The following GET1 variants were observed in gnomAD, a reference collection of about 807,000 sequenced individuals.
The protein encoded by GET1 is congenital heart disease 5 protein.
GET1 carries 20 observed loss-of-function variants against 22.6 expected under a neutral mutation model. The ratio of observed to expected loss-of-function variants is 0.89; its 90% CI spans 0.62 to 1.29. The LOEUF is 1.29. Among genes scored for constraint, GET1 ranks in the 50% most tolerant of loss-of-function variants. GET1 has a pLI of 0.00. For missense variants in GET1, 209 were observed against 219.9 expected (o/e 0.95, Z 0.31); for synonymous variants, 92 against 83.8 (o/e 1.10, Z -0.53).
chr21:39,417,178 G>A lies in GET1; in HGVS notation c.*23+6241G>A, dbSNP rs141854033. ...CTCCTGAGTAGCTGGGATTACAGGCGCGCACCACCACACCTGGCTAATTTT... is the reference window on the plus strand; with the variant it reads ...CTCCTGAGTAGCTGGGATTACAGGCACGCACCACCACACCTGGCTAATTTT... On this transcript the variant is annotated intron_variant, in intron 1 of 1. Transcript: ENST00000478273. Among the ~76,000 whole-genome samples, 788 of 152,076 alleles carry A rather than the reference G, an allele frequency of 5.2e-3. 7 individuals are homozygous for A. The highest frequency in any genetic ancestry group is 0.024 in the East Asian group (122 of 5,168).
chr21:39,380,361 C>T lies in GET1; in HGVS notation c.-24C>T. 2 of 1,582,122 alleles carry T rather than the reference C, an allele frequency of 1.3e-6. No individual in the cohort carries two copies. The highest frequency in any genetic ancestry group is 1.7e-6 in the Non-Finnish European group (2 of 1,162,464). Reference sequence around the variant, plus strand: ...TCCCCATGGAGCTGCCGTAGCGGACCCAGCACAGCCAGGAGCGTCCGGGAT... The same window carrying T: ...TCCCCATGGAGCTGCCGTAGCGGACTCAGCACAGCCAGGAGCGTCCGGGAT... On this transcript the variant is annotated 5_prime_UTR_variant, in exon 1 of 5. Transcript: ENST00000649170.
At chr21:39,381,340 T>C (rs975941114) in intron 1 of GET1, among the ~76,000 whole-genome samples, 2 of 152,162 alleles carry the variant, frequency 1.3e-5, no homozygotes, top group Admixed American at 6.5e-5. Flanking sequence ...TCCTCAAAGA[T>C]TGGGCGCATT....
intron 3 of GET1, 134 bp downstream of exon 3, chr21:39,391,970 G>A (rs2038329370): frequency 1.5e-5 from 11 of 749,326 alleles, no homozygotes; most frequent in South Asian, 1.1e-4. Context: ...CTGCCCACAT[G>A]GAGCTCTAAA....
intron 1 of GET1, among the ~76,000 whole-genome samples, chr21:39,417,696 T>C (rs1411583399): frequency 6.6e-6 from 1 of 152,172 alleles, no homozygotes; most frequent in Non-Finnish European, 1.5e-5. Context: ...CAAAAGGACT[T>C]CTTACATGGC....
chr21:39,387,437 T>C (rs898330771), intron 1 of GET1, among the ~76,000 whole-genome samples: 5 of 152,234 alleles, frequency 3.3e-5, no homozygotes, highest in African/African-American at 1.2e-4. Context: ...CTGTAGATTT[T>C]CCTTGCTTTT....
chr21:39,392,454 T>A (rs2038366740), intron 3 of GET1, among the ~76,000 whole-genome samples: 1 of 152,164 alleles, frequency 6.6e-6, no homozygotes. Context: ...CCAAAAAAGC[T>A]TAGTTTGGCA....
intron 4 of GET1, among the ~76,000 whole-genome samples, chr21:39,395,233 T>A (rs1427638241): frequency 2.6e-5 from 4 of 152,172 alleles, no homozygotes; most frequent in Non-Finnish European, 5.9e-5. Context: ...ATTTGCAGAT[T>A]TTCCTGATGA....
intron 3 of GET1, 31 bp from the exon 4 acceptor site, chr21:39,393,135 G>C (rs748924156): frequency 2.5e-6 from 4 of 1,580,782 alleles, no homozygotes; most frequent in Non-Finnish European, 3.5e-6. Context: ...TGATTGGCAG[G>C]CTGCTTTGCT....
rs567430090 is a variant in GET1 at position 39,383,787 on chromosome 21, C to G, written c.102+3301C>G. 2.0e-5 allele frequency among the ~76,000 whole-genome samples: 3 copies of G among 151,902 alleles called. No individual in the cohort carries two copies. In the South Asian group the frequency reaches 6.2e-4, roughly 32 times the overall value. On this transcript the variant is annotated intron_variant, in intron 1 of 4. Coordinates refer to ENST00000649170, the MANE Select transcript of GET1 (RefSeq NM_004627.6). ...AGGGAGTCTCTCTCTGTCACCCAGG[C>G]TGGAGTGCAGTGGCTCAATCTTGGC...
chr21:39,406,061 C>A, exon 5 of GET1: 1 of 1,614,138 alleles, frequency 6.2e-7, no homozygotes, highest in South Asian at 1.1e-5. Flanking sequence ...CTTGATTGGT[C>A]AGTTTTCAAG....
At chr21:39,405,874 G>A in intron 4 of GET1, 4 of 1,543,402 alleles carry the variant, frequency 2.6e-6, no homozygotes, top group Non-Finnish European at 3.5e-6. Flanking sequence ...TTAGGATATT[G>A]ATTATATTTA....
downstream of GET1, among the ~76,000 whole-genome samples, chr21:39,400,580 C>T (rs2038815193): frequency 6.6e-6 from 1 of 152,132 alleles, no homozygotes; most frequent in Non-Finnish European, 1.5e-5. Context: ...TTTCTAAGTG[C>T]TGCTCTCTTA....
downstream of GET1, among the ~76,000 whole-genome samples, chr21:39,410,619 G>T (rs566147938): frequency 1.1e-4 from 17 of 152,226 alleles, no homozygotes; most frequent in South Asian, 2.1e-4. Context: ...GTTGCTGTTG[G>T]AGGACAAGGC....
chr21:39,380,628 A>G (rs2037496082), intron 1 of GET1, 142 bp downstream of exon 1: 3 of 1,455,360 alleles, frequency 2.1e-6, no homozygotes, highest in Admixed American at 5.1e-5. Context: ...TTTTTGAGAT[A>G]GTTGTTAGCG....
At chr21:39,406,855 T>C (rs1462116911), downstream of GET1, 1 of 416,870 alleles carries the variant, frequency 2.4e-6, no homozygotes, top group Non-Finnish European at 4.2e-6. Context: ...AAAAATGACA[T>C]TCATAGAAGA....
intron 1 of GET1, 144 bp downstream of exon 1, chr21:39,380,630 T>C (rs1555886712): frequency 1.4e-6 from 2 of 1,453,518 alleles, no homozygotes; most frequent in Non-Finnish European, 1.8e-6. Flanking sequence ...TTTGAGATAG[T>C]TGTTAGCGTC....
chr21:39,400,186 G>A (rs945497887), downstream of GET1, among the ~76,000 whole-genome samples: 75 of 132,312 alleles, frequency 5.7e-4, no homozygotes, highest in African/African-American at 1.9e-3. Context: ...GTGTGCACGC[G>A]CACGTGCTGA....
downstream of GET1, chr21:39,410,993 G>C (rs1232347570): frequency 2.1e-6 from 1 of 466,350 alleles, no homozygotes; most frequent in Non-Finnish European, 4.4e-6. Context: ...ATTTTGGGGG[G>C]AAAGCAGTGC....
chr21:39,391,134 A>G (rs2038269946), intron 2 of GET1: 2 of 270,538 alleles, frequency 7.4e-6, no homozygotes, highest in Non-Finnish European at 1.4e-5. Flanking sequence ...TAAAAATTGT[A>G]GGTTTTCATT....
Sources: allele counts gnomAD v4.1 joint callset (sites outside exome capture counted in the v4.1 genomes callset), GRCh38; gene constraint gnomAD v4.1.1; transcripts MANE v1.5; gene names NCBI Gene and HGNC (gene_info 2026-07-23, HGNC 2026-07-21).